Variants in COL22A1 observed in about 807,000 individuals in gnomAD.
The protein encoded by COL22A1 is collagen alpha-1(XXII) chain.
COL22A1 carries 221 observed loss-of-function variants against 248.9 expected under a neutral mutation model. That is an observed-to-expected ratio of 0.89 (90% CI 0.80 to 0.99). The LOEUF is 0.99. COL22A1 is among the 50% of genes least tolerant of loss of function. COL22A1 has a pLI of 0.00. For synonymous variants in COL22A1, 891 were observed against 793.4 expected (o/e 1.12, Z -2.07); for missense variants, 2,240 against 2,179.0 (o/e 1.03, Z -0.56).
intron 61 of COL22A1, 130 bp downstream of exon 61, chr8:138,598,589 C>A: frequency 1.2e-6 from 1 of 849,836 alleles, no homozygotes; most frequent in East Asian, 2.6e-5. Flanking sequence ...AAGTAGCCTG[C>A]CCCAGGTCAT....
chr8:138,796,681 CCAGTTA>C, intron 12 of COL22A1, 132 bp downstream of exon 12: 1 of 697,188 alleles, frequency 1.4e-6, no homozygotes, highest in South Asian at 1.7e-5. Flanking sequence ...CACATTGAGG[CCAGTTA>C]CACAGCCCAG....
chr8:138,798,452 A>G (rs1816736988), intron 11 of COL22A1, among the ~76,000 whole-genome samples: 1 of 151,876 alleles, frequency 6.6e-6, no homozygotes. Context: ...ATTTTCTTAG[A>G]GGGTGCTCTA....
chr8:138,658,756 A>G (rs2130648092), intron 44 of COL22A1, among the ~76,000 whole-genome samples: 1 of 152,260 alleles, frequency 6.6e-6, no homozygotes, highest in South Asian at 2.1e-4. Context: ...AACATGAGGG[A>G]ATCCCTGAGA....
intron 1 of COL22A1, among the ~76,000 whole-genome samples, chr8:138,912,596 C>T (rs192767577): frequency 3.1e-4 from 47 of 152,212 alleles, no homozygotes; most frequent in East Asian, 2.3e-3. Flanking sequence ...TAAAATTAGC[C>T]GGGCATGGTA....
intron 3 of COL22A1, among the ~76,000 whole-genome samples, chr8:138,872,328 C>T (rs769825594): frequency 1.3e-5 from 2 of 152,124 alleles, no homozygotes; most frequent in Non-Finnish European, 1.5e-5. Flanking sequence ...GAAAACACCA[C>T]GGGAGCACAG....
chr8:138,661,761 T>C (rs900618582), intron 43 of COL22A1, among the ~76,000 whole-genome samples: 2 of 152,124 alleles, frequency 1.3e-5, no homozygotes, highest in South Asian at 2.1e-4. Context: ...ACCAAGAAAT[T>C]AGGGAACATT....
At chr8:138,877,710 C>T in intron 3 of COL22A1, 40 bp downstream of exon 3, 1 of 1,517,780 alleles carries the variant, frequency 6.6e-7, no homozygotes, top group Non-Finnish European at 8.8e-7. Context: ...CAGGGGGCGT[C>T]ACTCTTGGGA....
At chr8:138,640,067 T>G (rs1821534599) in intron 47 of COL22A1, among the ~76,000 whole-genome samples, 1 of 152,238 alleles carries the variant, frequency 6.6e-6, no homozygotes, top group African/African-American at 2.4e-5. Context: ...TGTATCAGCT[T>G]GGCTATCTAA....
chr8:138,768,126 C>T (rs1834053624), intron 16 of COL22A1, among the ~76,000 whole-genome samples: 1 of 152,164 alleles, frequency 6.6e-6, no homozygotes, highest in South Asian at 2.1e-4. Context: ...GCCCTCGATC[C>T]GATCCATTGC....
chr8:138,640,204 C>G (rs897579736), intron 47 of COL22A1, among the ~76,000 whole-genome samples: 13 of 152,114 alleles, frequency 8.5e-5, no homozygotes. Flanking sequence ...TGGAAAACCT[C>G]TCTGAGTTGG....
chr8:138,638,200 T>C (rs1015514844), intron 47 of COL22A1, among the ~76,000 whole-genome samples: 9 of 152,206 alleles, frequency 5.9e-5, no homozygotes, highest in Middle Eastern at 3.2e-3. Context: ...AGCTCTGCCT[T>C]TATTGTGTTA....
intron 45 of COL22A1, among the ~76,000 whole-genome samples, chr8:138,652,421 T>C (rs889151018): frequency 6.6e-6 from 1 of 152,224 alleles, no homozygotes; most frequent in African/African-American, 2.4e-5. Flanking sequence ...ATTACGGTTT[T>C]GTTTATTTTC....
intron 4 of COL22A1, among the ~76,000 whole-genome samples, chr8:138,842,032 C>T (rs7014497): frequency 0.5 from 76,099 of 151,996 alleles, 20,893 homozygotes; most frequent in Middle Eastern, 0.72. Context: ...TAGAAATACA[C>T]ATTGTACAGT....
chr8:138,825,913 C>G (rs1274361809), intron 6 of COL22A1: 1 of 152,198 alleles, frequency 6.6e-6, no homozygotes, highest in African/African-American at 2.4e-5. Context: ...TTATCTCAAA[C>G]CAACAGATGG....
At chr8:138,754,201 T>C (rs922549966) in intron 21 of COL22A1, among the ~76,000 whole-genome samples, 2 of 152,226 alleles carry the variant, frequency 1.3e-5, no homozygotes, top group Non-Finnish European at 2.9e-5. Context: ...TATGTATGCA[T>C]AGAAAGGTAA....
chr8:138,727,710 G>A (rs1015934281), intron 23 of COL22A1, among the ~76,000 whole-genome samples: 35 of 152,256 alleles, frequency 2.3e-4, no homozygotes, highest in African/African-American at 7.9e-4. Flanking sequence ...TAGTTTTCTC[G>A]GCAGCTCGCT....
intron 4 of COL22A1, among the ~76,000 whole-genome samples, chr8:138,839,935 A>G (rs1241451714): frequency 1.3e-5 from 2 of 152,208 alleles, no homozygotes; most frequent in Admixed American, 1.3e-4. Flanking sequence ...GAGGAAACTG[A>G]GGCTCAGAGA....
chr8:138,655,649 C>G (rs1823182528), intron 45 of COL22A1, among the ~76,000 whole-genome samples: 1 of 152,190 alleles, frequency 6.6e-6, no homozygotes, highest in African/African-American at 2.4e-5. Context: ...GGGTGAGCCA[C>G]TGTGCCTGGC....
At chr8:138,840,983 T>C (rs1242075268) in intron 4 of COL22A1, among the ~76,000 whole-genome samples, 1 of 152,188 alleles carries the variant, frequency 6.6e-6, no homozygotes, top group Non-Finnish European at 1.5e-5. Flanking sequence ...TTTAAATTCA[T>C]GCTGAGTTAC....
Sources: allele counts gnomAD v4.1 joint callset (sites outside exome capture counted in the v4.1 genomes callset), GRCh38; gene constraint gnomAD v4.1.1; transcripts MANE v1.5; gene names NCBI Gene and HGNC (gene_info 2026-07-23, HGNC 2026-07-21).